Variants in PCNX2 observed in about 807,000 individuals in gnomAD.
PCNX2 encodes the protein pecanex-like protein 2.
PCNX2 carries 168 observed loss-of-function variants against 223.8 expected under a neutral mutation model. The ratio of observed to expected loss-of-function variants is 0.75; its 90% CI spans 0.66 to 0.85. PCNX2 has a LOEUF of 0.85. Among genes scored for constraint, PCNX2 ranks in the 40% least tolerant of loss-of-function variants. The probability of loss-of-function intolerance (pLI) is 0.00; values close to 1 mark genes in which losing one functional copy is unlikely to be tolerated. For synonymous variants in PCNX2, 1,006 were observed against 1,052.6 expected, an observed-to-expected ratio of 0.96 and a Z score of 0.86; for missense variants, 2,507 against 2,675.5, an observed-to-expected ratio of 0.94 and a Z score of 1.39.
chr1:233,196,961 G>T (rs576594811), intron 15 of PCNX2, among the ~76,000 whole-genome samples: 4 of 152,190 alleles, frequency 2.6e-5, no homozygotes, highest in African/African-American at 7.2e-5. Flanking sequence ...TTGTGATGGT[G>T]GTAACTTGTC....
Position 233,258,923 on chromosome 1 carries a change from A to C in PCNX2, c.939T>G (p.Pro313=). Residue 313 remains proline, a synonymous_variant, in exon 5 of 34, where the codon CCT becomes CCG. Coordinates refer to ENST00000258229, the MANE Select transcript of PCNX2 (RefSeq NM_014801.4). ...SPQDSLSSSC[P]QCDTIVAKPV... ...GCTTGGCCACGATGGTGTCACATTG[A>C]GGGCAGCTGCTGCTCAGGCTGTCCT... 1.2e-6 allele frequency: 2 copies of C among 1,613,872 alleles called. No homozygotes were observed. The highest frequency in any genetic ancestry group is 1.7e-6 in the Non-Finnish European group (2 of 1,179,858).
intron 8 of PCNX2, among the ~76,000 whole-genome samples, chr1:233,245,382 G>A (rs1422947502): frequency 6.6e-6 from 1 of 152,238 alleles, no homozygotes; most frequent in Non-Finnish European, 1.5e-5. Flanking sequence ...TGTAACTTGA[G>A]CTTTCAAAGA....
intron 23 of PCNX2, among the ~76,000 whole-genome samples, chr1:233,082,837 C>T (rs903062886): frequency 6.6e-6 from 1 of 152,254 alleles, no homozygotes; most frequent in Admixed American, 6.5e-5. Flanking sequence ...TTTGTTAATA[C>T]AAATCATGAA....
chr1:233,234,860 A>G (rs1250694566), intron 9 of PCNX2, among the ~76,000 whole-genome samples: 1 of 152,078 alleles, frequency 6.6e-6, no homozygotes, highest in African/African-American at 2.4e-5. Flanking sequence ...GGGCCCCCAC[A>G]TACTAGGGCT....
chr1:233,182,495 C>T (rs1395860882), intron 15 of PCNX2, among the ~76,000 whole-genome samples: 2 of 152,100 alleles, frequency 1.3e-5, no homozygotes, highest in Admixed American at 6.5e-5. Context: ...AGTGGTTCTC[C>T]TCTCCAAAAG....
At chr1:233,118,073 T>A (rs945749529) in intron 21 of PCNX2, among the ~76,000 whole-genome samples, 4 of 151,720 alleles carry the variant, frequency 2.6e-5, no homozygotes, top group African/African-American at 9.7e-5. Flanking sequence ...GGATGCAAGG[T>A]TGGTTTAATT....
At chr1:233,235,957 A>AAAAAAAATATATATAT (rs369886650) in intron 9 of PCNX2, among the ~76,000 whole-genome samples, 2 of 93,114 alleles carry the variant, frequency 2.1e-5, no homozygotes, top group Admixed American at 1.2e-4. Context: ...CATAAAAAAA[A>AAAAAAAATATATATAT]ATATATATAT....
chr1:233,193,963 G>A (rs1277638573), intron 15 of PCNX2, among the ~76,000 whole-genome samples: 2 of 151,118 alleles, frequency 1.3e-5, no homozygotes, highest in Non-Finnish European at 3.0e-5. Flanking sequence ...GGCCCAAGAA[G>A]AAAAGAAAAA....
intron 19 of PCNX2, among the ~76,000 whole-genome samples, chr1:233,155,724 C>T (rs1360414558): frequency 3.9e-5 from 6 of 152,122 alleles, no homozygotes; most frequent in Non-Finnish European, 8.8e-5. Flanking sequence ...GAAATAATTC[C>T]TTTGGAAAGT....
At chr1:233,244,508 C>A (rs553689742) in intron 8 of PCNX2, among the ~76,000 whole-genome samples, 2 of 152,140 alleles carry the variant, frequency 1.3e-5, no homozygotes, top group South Asian at 4.2e-4. Context: ...GCCACGAGTT[C>A]GAGACCAGCC....
intron 17 of PCNX2, chr1:233,172,299 T>C (rs1679201095): frequency 1.0e-6 from 1 of 962,814 alleles, no homozygotes; most frequent in Non-Finnish European, 1.2e-6. Flanking sequence ...CAAGGCAACC[T>C]TCTAGAAAGG....
chr1:233,236,552 G>A (rs912673176), intron 9 of PCNX2, among the ~76,000 whole-genome samples: 1 of 151,892 alleles, frequency 6.6e-6, no homozygotes, highest in Non-Finnish European at 1.5e-5. Flanking sequence ...GAGCTCTTGT[G>A]AGACTTATGC....
rs772062579 is a variant in PCNX2, at chr1:232,998,323, T to C, written c.5719A>G (p.Ser1907Gly). The C allele has an allele frequency of 6.2e-7, 1 of 1,613,108 alleles. No individual in the cohort carries two copies. Among genetic ancestry groups the C allele is most frequent in the East Asian group, 2.2e-5 (1 of 44,818 alleles). ...NNAPSGGSQESSAEQPRKGGA... is the reference protein window; with the variant it reads ...NNAPSGGSQEGSAEQPRKGGA... ...CCTTTTCTGGGCTGTTCTGCGCTGC[T>C]CTCCTGGCTGCCACCACTCGGGGCA... Residue 1907 changes from serine (S) to glycine (G), a missense_variant, in exon 32 of 34, where the codon AGC becomes GGC. By Grantham distance (56) the Ser-to-Gly change is moderately conservative. Transcript: ENST00000258229.
chr1:233,127,245 CA>C (rs1182714696), intron 21 of PCNX2, among the ~76,000 whole-genome samples: 45 of 152,194 alleles, frequency 3.0e-4, no homozygotes, highest in Admixed American at 2.9e-3. Context: ...AGATCCATCT[CA>C]TAGACATCTC....
rs771031362 is a variant in PCNX2 at position 233,259,212 on chromosome 1, G to A, written c.650C>T (p.Pro217Leu). Reference sequence around the variant, plus strand: ...ATTGATGAGAGTTTCTGTGGCAACTGGTTTTACAGGTATTACTGACTTGGT... The same window carrying A: ...ATTGATGAGAGTTTCTGTGGCAACTAGTTTTACAGGTATTACTGACTTGGT... ...TTTKSVIPVK[P>L]VATETLINGK... Residue 217 changes from proline to leucine, a missense_variant, in exon 5 of 34, where the codon CCA becomes CTA. By Grantham distance (98) the Pro-to-Leu change is moderately conservative. Around this residue, in one of 3 missense-constraint regions of PCNX2, gnomAD observed 1,031 missense variants for 1,021.7 expected, o/e 1.01. Coordinates refer to ENST00000258229, the MANE Select transcript of PCNX2 (RefSeq NM_014801.4). 5.0e-6 allele frequency: 8 copies of A among 1,613,822 alleles called. No homozygotes were observed. In the South Asian group the frequency reaches 8.8e-5, roughly 18 times the overall value.
At chr1:233,274,968 G>A (rs1008689885) in intron 1 of PCNX2, among the ~76,000 whole-genome samples, 4 of 152,232 alleles carry the variant, frequency 2.6e-5, no homozygotes, top group African/African-American at 9.6e-5. Flanking sequence ...ATGAGGAGAT[G>A]AGGAAGGGGC....
At chr1:233,141,773 A>ATGTGTGTGTGTGTG (rs34145635) in intron 19 of PCNX2, among the ~76,000 whole-genome samples, 6 of 146,182 alleles carry the variant, frequency 4.1e-5, no homozygotes, top group South Asian at 2.2e-4. Context: ...GTATATGTAT[A>ATGTGTGTGTGTGTG]TGTGTGTGTG....
the PCNX2 span, among the ~76,000 whole-genome samples, chr1:233,301,980 T>C: frequency 1.3e-5 from 2 of 151,862 alleles, no homozygotes; most frequent in African/African-American, 4.8e-5. Context: ...TTTTTTCTGG[T>C]AGAGATGAGG....
intron 9 of PCNX2, among the ~76,000 whole-genome samples, chr1:233,235,141 A>G (rs759363468): frequency 1.2e-4 from 18 of 152,162 alleles, no homozygotes. Context: ...CCTAACACAC[A>G]GAGGCCCTGG....
Sources: gnomAD v4.1 joint callset for allele counts (sites outside exome capture counted in the v4.1 genomes callset) on GRCh38, gnomAD v4.1.1 for gene constraint, gnomAD v4.1.1 regional missense constraint, MANE v1.5 for transcripts, NCBI Gene and HGNC (gene_info 2026-07-23, HGNC 2026-07-21) for gene names.